MADD: variants seen among roughly 807,000 people sequenced by gnomAD.
MADD encodes MAP kinase-activating death domain protein.
MADD carries 109 observed loss-of-function variants against 176.7 expected under a neutral mutation model. That is an observed-to-expected ratio of 0.62 (90% CI 0.53 to 0.72). The LOEUF (loss-of-function observed/expected upper bound fraction) is 0.72, where lower values mean the gene tolerates loss of function less well. Ranked by LOEUF, MADD falls within the 30% of genes least tolerant of loss-of-function variation. The probability of loss-of-function intolerance (pLI) is 0.00; values close to 1 mark genes in which losing one functional copy is unlikely to be tolerated. For synonymous variants in MADD, 771 were observed against 771.3 expected, an observed-to-expected ratio of 1.00 and a Z score of 0.01; for missense variants, 1,914 against 2,045.5, an observed-to-expected ratio of 0.94 and a Z score of 1.24.
chr11:47,320,498 T>C (rs958890573), intron 27 of MADD, among the ~76,000 whole-genome samples: 4 of 151,724 alleles, frequency 2.6e-5, no homozygotes, highest in African/African-American at 7.3e-5. Context: ...TATATATTAC[T>C]CATTAGGCCA....
rs1010652044 is a variant in MADD, at chr11:47,325,743, C to T, written c.4543-995C>T. Among the ~76,000 whole-genome samples the T allele has an allele frequency of 1.3e-5, 2 of 152,226 alleles. No homozygotes were observed. The highest frequency in any genetic ancestry group is 2.9e-5 in the Non-Finnish European group (2 of 68,052). ...CAGACTTCTGACCACATTTTAGCGC[C>T]GTGGCCTCTGAAGATGAGATCTTGC... On this transcript the variant is annotated intron_variant, in intron 30 of 32. Coordinates refer to ENST00000402192, the Ensembl canonical transcript of MADD. This position sits in a 1 kb window ranked among gnomAD's most constrained non-coding sequence, Gnocchi z 4.5.
chr11:47,320,523 C>T (rs551285781), intron 27 of MADD, among the ~76,000 whole-genome samples: 3 of 151,922 alleles, frequency 2.0e-5, no homozygotes, highest in Admixed American at 6.6e-5. Flanking sequence ...TGTTGGCTCA[C>T]GCCTGTAATC....
At position 47,298,778 on chromosome 11, in the gene MADD, C is replaced by T. The variant is rs553902973; in HGVS notation, c.3642+2723C>T. ...AGACCAATGTCCTGAAGCATTTCTG[C>T]TACGTTTTCTTCTAGTAGTTTTATA... On this transcript the variant is annotated intron_variant, in intron 22 of 32. Coordinates refer to ENST00000402192, the Ensembl canonical transcript of MADD. Among the ~76,000 whole-genome samples, 7 of 152,292 alleles carry T rather than the reference C, an allele frequency of 4.6e-5. No individual in the cohort carries two copies. In the South Asian group the frequency reaches 1.4e-3, roughly 32 times the overall value.
chr11:47,273,360 A>T (rs2046622306), intron 1 of MADD, among the ~76,000 whole-genome samples: 1 of 151,156 alleles, frequency 6.6e-6, no homozygotes, highest in Admixed American at 6.6e-5. Context: ...TTTTCTTGAG[A>T]CGGAGTCTCA....
intron 19 of MADD, 137 bp from the exon 21 acceptor site, chr11:47,292,406 A>G: frequency 1.3e-6 from 1 of 757,346 alleles, no homozygotes; most frequent in Admixed American, 2.1e-5. Context: ...CTCCCCATGA[A>G]GATATCTTTG....
chr11:47,292,489 G>T, intron 19 of MADD, 54 bp from the exon 21 acceptor site: 2 of 1,558,034 alleles, frequency 1.3e-6, no homozygotes, highest in South Asian at 2.2e-5. Context: ...TCGTCTGTCT[G>T]ACCAGCCTCT....
intron 22 of MADD, among the ~76,000 whole-genome samples, chr11:47,306,475 C>T (rs1446473651): frequency 2.0e-5 from 3 of 152,236 alleles, no homozygotes; most frequent in Admixed American, 2.0e-4. Flanking sequence ...GGACTCCAGG[C>T]AGCTCCTTCA....
chr11:47,324,741 A>G, intron 30 of MADD, 164 bp downstream of exon 33: 1 of 711,076 alleles, frequency 1.4e-6, no homozygotes. Context: ...GGGAGGGCAC[A>G]GTGACGTTGG....
intron 30 of MADD, chr11:47,324,874 C>G: frequency 3.3e-6 from 2 of 609,158 alleles, no homozygotes; most frequent in Non-Finnish European, 2.9e-6. Flanking sequence ...GAGCGTCTCA[C>G]TTGGCCCTTC....
At chr11:47,299,685 G>A (rs373439792) in intron 22 of MADD, among the ~76,000 whole-genome samples, 3 of 107,638 alleles carry the variant, frequency 2.8e-5, no homozygotes, top group East Asian at 3.5e-4. Context: ...ATGCACCACC[G>A]TGCCCAGCTG....
chr11:47,278,706 T>C (rs2053047436), intron 6 of MADD, among the ~76,000 whole-genome samples: 2 of 152,248 alleles, frequency 1.3e-5, no homozygotes, highest in South Asian at 4.1e-4. Context: ...AGCCCTTATG[T>C]GTGCTCATTG....
intron 15 of MADD, among the ~76,000 whole-genome samples, chr11:47,288,263 T>A (rs929021112): frequency 1.3e-5 from 2 of 152,194 alleles, no homozygotes; most frequent in African/African-American, 4.8e-5. Flanking sequence ...CACTCCAGCC[T>A]GGACGACAGA....
intron 22 of MADD, among the ~76,000 whole-genome samples, chr11:47,299,676 T>C (rs2076160497): frequency 8.7e-6 from 1 of 115,276 alleles, no homozygotes; most frequent in African/African-American, 3.4e-5. Flanking sequence ...ACTGTAGGCA[T>C]GCACCACCGT....
chr11:47,312,572 G>A (rs1410606798), intron 26 of MADD, among the ~76,000 whole-genome samples: 7 of 152,088 alleles, frequency 4.6e-5, no homozygotes, highest in African/African-American at 1.7e-4. Flanking sequence ...AGCTCCTGAG[G>A]TTACAGGCAT....
chr11:47,322,383 G>A (rs955772067), intron 27 of MADD, among the ~76,000 whole-genome samples: 14 of 152,076 alleles, frequency 9.2e-5, no homozygotes, highest in African/African-American at 3.1e-4. Context: ...CGAGGCGGGC[G>A]GATCATGAAG....
chr11:47,275,712 A>G (rs534103963), intron 3 of MADD, among the ~76,000 whole-genome samples, 187 bp from the exon 4 acceptor site: 1 of 152,350 alleles, frequency 6.6e-6, no homozygotes, highest in African/African-American at 2.4e-5. Context: ...CTTACCCAGT[A>G]TATATCTTTA....
At chr11:47,284,506 T>G (rs767256273) in exon 12 of MADD, 5 of 1,614,060 alleles carry the variant, frequency 3.1e-6, no homozygotes, top group Non-Finnish European at 4.2e-6. Flanking sequence ...CCCACTGCGC[T>G]CCAGCTCTAG....
intron 4 of MADD, 153 bp from the exon 5 acceptor site, chr11:47,276,579 G>T (rs2050103681): frequency 1.2e-6 from 1 of 802,888 alleles, no homozygotes. Flanking sequence ...GGATTGGGAG[G>T]TGGCAGGCAT....
chr11:47,292,704 A>G, intron 19 of MADD, 108 bp downstream of exon 21: 1 of 1,095,844 alleles, frequency 9.1e-7, no homozygotes. Context: ...ATTTGCTCTT[A>G]GAGCGTGTTT....
Sources: allele counts gnomAD v4.1 joint callset (sites outside exome capture counted in the v4.1 genomes callset), GRCh38; gene constraint gnomAD v4.1.1; non-coding constraint Gnocchi (gnomAD v3.1); transcripts MANE v1.5; gene names NCBI Gene and HGNC (gene_info 2026-07-23, HGNC 2026-07-21).